ERICH6B: variants seen among roughly 807,000 people sequenced by gnomAD.
ERICH6B encodes the protein glutamate rich 6B.
A neutral mutation model predicts 80.0 loss-of-function variants in ERICH6B; 69 were observed. That is an observed-to-expected ratio of 0.86 (90% CI 0.71 to 1.05). ERICH6B has a LOEUF of 1.05. Ranked by LOEUF, ERICH6B falls within the 50% of genes least tolerant of loss-of-function variation. The pLI is 0.00. For synonymous variants in ERICH6B, 283 were observed against 291.9 expected, an observed-to-expected ratio of 0.97 and a Z score of 0.31; for missense variants, 754 against 796.1, an observed-to-expected ratio of 0.95 and a Z score of 0.64.
In ERICH6B at chr13:45,570,660, C is replaced by T. The variant is rs186417751; in HGVS notation, c.1051-2209G>A. On this transcript the variant is annotated intron_variant, in intron 8 of 14. Coordinates refer to ENST00000298738, the MANE Select transcript of ERICH6B (RefSeq NM_182542.3). Reference sequence around the variant, plus strand: ...GTTCTGTGTGGCATTCACCCCATTGCAGCCGCAGGTTCCATGTGGCTTTTT... The same window carrying T: ...GTTCTGTGTGGCATTCACCCCATTGTAGCCGCAGGTTCCATGTGGCTTTTT... 2.5e-3 allele frequency among the ~76,000 whole-genome samples: 378 copies of T among 152,320 alleles called. 2 individuals are homozygous for T. Among genetic ancestry groups the T allele is most frequent in the African/African-American group, 8.1e-3 (337 of 41,564 alleles).
chr13:45,597,173 T>A, intron 2 of ERICH6B, 110 bp from the exon 3 acceptor site: 1 of 757,182 alleles, frequency 1.3e-6, no homozygotes, highest in Non-Finnish European at 2.1e-6. Context: ...GAGGGCTCTT[T>A]AAGTATGCAG....
At chr13:45,566,560 C>T (rs1038872844) in intron 9 of ERICH6B, among the ~76,000 whole-genome samples, 2 of 152,256 alleles carry the variant, frequency 1.3e-5, no homozygotes, top group African/African-American at 4.8e-5. Context: ...GAGCTTGGGC[C>T]TTGGCTTCAG....
At chr13:45,549,087 C>A (rs960923979) in intron 13 of ERICH6B, among the ~76,000 whole-genome samples, 5 of 152,100 alleles carry the variant, frequency 3.3e-5, no homozygotes, top group Non-Finnish European at 7.4e-5. Context: ...AGTTCGAGAT[C>A]AACCTGGCCA....
intron 11 of ERICH6B, among the ~76,000 whole-genome samples, chr13:45,559,106 T>C (rs1204943510): frequency 2.0e-5 from 3 of 152,228 alleles, no homozygotes; most frequent in Admixed American, 6.5e-5. Context: ...GTTCAGGGTA[T>C]CTAATTCTTC....
intron 2 of ERICH6B, among the ~76,000 whole-genome samples, chr13:45,605,980 A>T (rs921875175): frequency 1.3e-5 from 2 of 152,226 alleles, no homozygotes; most frequent in African/African-American, 2.4e-5. Flanking sequence ...GCCATATTTG[A>T]TATTCAATGT....
intron 1 of ERICH6B, among the ~76,000 whole-genome samples, chr13:45,614,410 C>T (rs894480602): frequency 2.6e-5 from 4 of 152,092 alleles, no homozygotes; most frequent in African/African-American, 7.2e-5. Flanking sequence ...ATGTCAGGCA[C>T]GTAGCAGGAT....
Position 45,596,973 on chromosome 13 carries a change from T to C in ERICH6B, c.33A>G (p.Ala11=). 6.4e-7 allele frequency: 1 copy of C among 1,550,978 alleles called. No homozygotes were observed. Among genetic ancestry groups the C allele is most frequent in the Non-Finnish European group, 8.7e-7 (1 of 1,146,596 alleles). The part of the protein sequence containing the change: MSAENNQLSG[A]SPPHPPTTPQ... The stretch of plus-strand genomic sequence containing the variant: ...GAGTTGTGGGAGGGTGAGGAGGTGA[T>C]GCTCCTGATAACTGATTATTTTCAG... The change falls in exon 3 of 15, where the codon GCA becomes GCG. Residue 11 remains alanine (A), a synonymous_variant. Transcript: ENST00000298738.
At chr13:45,604,812 G>C (rs11620530) in intron 2 of ERICH6B, among the ~76,000 whole-genome samples, 4 of 152,112 alleles carry the variant, frequency 2.6e-5, no homozygotes, top group Non-Finnish European at 4.4e-5. Context: ...TGTGATCCTA[G>C]CTCACGTGGG....
At chr13:45,591,927 T>C (rs774504221) in intron 3 of ERICH6B, among the ~76,000 whole-genome samples, 5 of 152,244 alleles carry the variant, frequency 3.3e-5, no homozygotes, top group Non-Finnish European at 7.3e-5. Flanking sequence ...TTTTTTGATG[T>C]CACTTTTCTA....
intron 3 of ERICH6B, among the ~76,000 whole-genome samples, chr13:45,595,847 G>A (rs886520412): frequency 6.6e-6 from 1 of 152,016 alleles, no homozygotes; most frequent in African/African-American, 2.4e-5. Context: ...GTGTGGCTAT[G>A]TTGCCCAGGC....
chr13:45,614,195 C>T (rs1167198213), intron 1 of ERICH6B, among the ~76,000 whole-genome samples: 1 of 152,156 alleles, frequency 6.6e-6, no homozygotes, highest in African/African-American at 2.4e-5. Flanking sequence ...TGGAGTCCCA[C>T]CCTTTCTTTT....
chr13:45,554,345 G>A (rs187688363), intron 11 of ERICH6B, among the ~76,000 whole-genome samples: 168 of 152,218 alleles, frequency 1.1e-3, no homozygotes, highest in African/African-American at 3.9e-3. Context: ...TATAGACCAC[G>A]TTTTCCTTTT....
At chr13:45,605,513 C>A (rs1949853035) in intron 2 of ERICH6B, among the ~76,000 whole-genome samples, 1 of 152,188 alleles carries the variant, frequency 6.6e-6, no homozygotes, top group African/African-American at 2.4e-5. Flanking sequence ...GATGACAGCA[C>A]TAAGGTTCAG....
chr13:45,579,851 G>A lies in ERICH6B; in HGVS notation c.961+82C>T, dbSNP rs1875581644. 1.6e-5 allele frequency: 22 copies of A among 1,379,098 alleles called. No homozygotes were observed. The South Asian group carries it at 2.7e-4, about 17-fold the overall frequency. The allele number at this position is 1,379,098 out of a possible 1,614,324, so 85.4% of individuals were successfully genotyped here. On this transcript the variant is annotated intron_variant, in intron 7 of 14. Coordinates refer to ENST00000298738, the MANE Select transcript of ERICH6B (RefSeq NM_182542.3). ...TGGGTCATGCTGGATCAGAGAGGGA[G>A]CCACCTGCTAGGGGCACCTTCCCCA... is the stretch of plus-strand genomic sequence containing the variant.
rs1283305542 is a variant in ERICH6B at position 45,589,535 on chromosome 13, C to T, written c.686+1114G>A. The stretch of plus-strand genomic sequence containing the variant: ...ATATACATTTCATCCTCACCAAAAC[C>T]CCGTGAGGCTGGAACTCTTCCTCTC... On this transcript the variant is annotated intron_variant, in intron 4 of 14. Transcript: ENST00000298738. Among the ~76,000 whole-genome samples, 4 of 152,128 alleles carry T rather than the reference C, an allele frequency of 2.6e-5. No individual in the cohort carries two copies. In the East Asian group the frequency reaches 7.7e-4, roughly 29 times the overall value.
intron 2 of ERICH6B, among the ~76,000 whole-genome samples, chr13:45,599,924 T>G (rs1341163395): frequency 2.6e-5 from 4 of 152,226 alleles, no homozygotes; most frequent in Non-Finnish European, 5.9e-5. Flanking sequence ...TGCAGTTGGC[T>G]TGCCCTTTTA....
At chr13:45,550,977 G>A (rs182998223) in intron 11 of ERICH6B, among the ~76,000 whole-genome samples, 38 of 152,140 alleles carry the variant, frequency 2.5e-4, no homozygotes, top group Non-Finnish European at 5.9e-5. Context: ...GTCTCTTGAG[G>A]GAACACAATT....
chr13:45,553,914 C>T (rs774808089), intron 11 of ERICH6B, among the ~76,000 whole-genome samples: 4 of 151,998 alleles, frequency 2.6e-5, no homozygotes, highest in African/African-American at 4.8e-5. Context: ...TTGTGATTGG[C>T]TAAGTCAAGC....
chr13:45,592,151 G>A (rs1876181716), intron 3 of ERICH6B, among the ~76,000 whole-genome samples: 1 of 152,292 alleles, frequency 6.6e-6, no homozygotes, highest in Non-Finnish European at 1.5e-5. Context: ...AGAGATAATG[G>A]TTGGGACAAT....
Sources: gnomAD v4.1 joint callset for allele counts (sites outside exome capture counted in the v4.1 genomes callset) on GRCh38, gnomAD v4.1.1 for gene constraint, MANE v1.5 for transcripts, NCBI Gene and HGNC (gene_info 2026-07-23, HGNC 2026-07-21) for gene names.